The following LRRC74B variants were observed in gnomAD, a reference collection of about 807,000 sequenced individuals.
LRRC74B encodes the protein leucine-rich repeat-containing protein 74B.
Under a neutral mutation model 16.6 loss-of-function variants are expected in LRRC74B, and 30 were observed. The observed-to-expected ratio is 1.80, with a 90% CI of 1.35 to 2.45. LRRC74B has a LOEUF of 2.45. Ranked by LOEUF, LRRC74B falls within the 30% of genes most tolerant of loss-of-function variation. The pLI, the probability that LRRC74B is intolerant of heterozygous loss-of-function variation, is 0.00. For synonymous variants in LRRC74B, 134 were observed against 86.0 expected (o/e 1.56, Z -3.09); for missense variants, 326 against 202.4 (o/e 1.61, Z -3.71).
intron 3 of LRRC74B, 92 bp downstream of exon 3, chr22:21,048,108 G>A (rs778717569): frequency 2.9e-6 from 2 of 699,196 alleles, no homozygotes; most frequent in Middle Eastern, 4.7e-4. Flanking sequence ...GTGTCACCTG[G>A]GGCCTGCTGG....
At chr22:21,047,889 C>T (rs1482141453) in exon 3 of LRRC74B, 1 of 717,186 alleles carries the variant, frequency 1.4e-6, no homozygotes, top group Non-Finnish European at 2.6e-6. Context: ...CCCAGGGCGC[C>T]CGGGCTCTGG....
chr22:21,046,389 A>T (rs1321213587), intron 1 of LRRC74B, among the ~76,000 whole-genome samples: 1 of 138,620 alleles, frequency 7.2e-6, no homozygotes, highest in African/African-American at 2.6e-5. Flanking sequence ...AAGCTAATGG[A>T]TGTATGGAAT....
In LRRC74B at chr22:21,052,321, G is replaced by A. The variant is rs544521349; in HGVS notation, c.695G>A (p.Arg232Gln). The A allele has an allele frequency of 7.8e-4, 562 of 717,500 alleles. 1 individual carries two copies. Among genetic ancestry groups the A allele is most frequent in the Non-Finnish European group, 1.2e-3 (481 of 385,106 alleles). 44.4% of individuals were successfully genotyped at this position (717,500 alleles called of 1,614,324 possible). ...CTTAACGTGAGCTGGAATCACCTCCGGGGCCCAGGAGCTGTGGCATTTGCC... is the reference window on the plus strand; with the variant it reads ...CTTAACGTGAGCTGGAATCACCTCCAGGGCCCAGGAGCTGTGGCATTTGCC... The change falls in exon 5 of 9, where the codon CGG (arginine) becomes CAG (glutamine). Residue 232 changes from arginine to glutamine, a missense_variant. Transcript: ENST00000442047.
chr22:21,047,849 G>T, intron 2 of LRRC74B, 35 bp from the exon 3 acceptor site: 1 of 715,742 alleles, frequency 1.4e-6, no homozygotes, highest in Non-Finnish European at 2.6e-6. Flanking sequence ...CATGAGCCAG[G>T]ATAGTGGCCA....
exon 8 of LRRC74B, chr22:21,057,117 C>G: frequency 1.4e-6 from 1 of 717,448 alleles, no homozygotes. Context: ...GTCCAGGAAT[C>G]CCATGCGAAG....
intron 4 of LRRC74B, among the ~76,000 whole-genome samples, chr22:21,050,777 CAAA>C (rs71188205): frequency 1.9e-5 from 2 of 104,162 alleles, no homozygotes; most frequent in African/African-American, 4.5e-5. Context: ...GACTCTGTCT[CAAA>C]AAAAAAAAAA....
At chr22:21,051,008 T>C (rs2148145723) in intron 4 of LRRC74B, among the ~76,000 whole-genome samples, 1 of 133,846 alleles carries the variant, frequency 7.5e-6, no homozygotes, top group East Asian at 2.2e-4. Flanking sequence ...AAAAAAAAAT[T>C]AGCCCCAAGT....
At position 21,047,515 on chromosome 22, in the gene LRRC74B, A is replaced by C. The variant is rs574663258; in HGVS notation, c.282+17A>C. On this transcript the variant is annotated intron_variant, in intron 2 of 8. Transcript: ENST00000442047. Reference sequence around the variant, plus strand: ...GGGCCCCAGGTACCACTGGAGGGACACTGTATCCAGGCTTACGGGGAGAGG... The same window carrying C: ...GGGCCCCAGGTACCACTGGAGGGACCCTGTATCCAGGCTTACGGGGAGAGG... 113 of 717,054 alleles carry C rather than the reference A, an allele frequency of 1.6e-4. No individual in the cohort carries two copies. In the African/African-American group the frequency reaches 1.7e-3, roughly 11 times the overall value. 44.4% of individuals were successfully genotyped at this position (717,054 alleles called of 1,614,324 possible).
At chr22:21,052,282 C>G (rs536830984) in exon 5 of LRRC74B, 1 of 717,562 alleles carries the variant, frequency 1.4e-6, no homozygotes, top group African/African-American at 1.7e-5. Flanking sequence ...GCAGAAAACA[C>G]AGGACTCACC....
rs73164871 is a variant in LRRC74B at position 21,048,937 on chromosome 22, G to C, written c.416-14G>C. On this transcript the variant is annotated splice_polypyrimidine_tract_variant and intron_variant, in intron 3 of 8. Coordinates refer to ENST00000442047, the Ensembl canonical transcript of LRRC74B. The stretch of plus-strand genomic sequence containing the variant: ...TTTGCATCCCACTGGCCGAGGAGTG[G>C]TTCTGTCCCCCAGATGTGGACCTGT... 0.063 allele frequency: 45,296 copies of C among 715,556 alleles called. 1,791 individuals are homozygous for C. The highest frequency in any genetic ancestry group is 0.08 in the Non-Finnish European group (30,885 of 384,602). 44.3% of individuals were successfully genotyped at this position (715,556 alleles called of 1,614,324 possible).
chr22:21,060,041 C>CT (rs1930732667), intron 8 of LRRC74B, among the ~76,000 whole-genome samples: 1 of 151,940 alleles, frequency 6.6e-6, no homozygotes, highest in Admixed American at 6.6e-5. Flanking sequence ...TGGTGGGCAC[C>CT]TGTAGTCCCT....
chr22:21,047,084 G>C (rs2148131093), intron 1 of LRRC74B, among the ~76,000 whole-genome samples: 1 of 150,582 alleles, frequency 6.6e-6, no homozygotes, highest in Non-Finnish European at 1.5e-5. Context: ...CAGAGCAAGA[G>C]TCTGTCTCGA....
At chr22:21,047,852 A>G (rs2148133607) in intron 2 of LRRC74B, 32 bp from the exon 3 acceptor site, 3 of 715,918 alleles carry the variant, frequency 4.2e-6, no homozygotes, top group Non-Finnish European at 7.8e-6. Flanking sequence ...GAGCCAGGAT[A>G]GTGGCCAGTG....
Position 21,052,370 on chromosome 22 carries a change from C to T in LRRC74B, c.732+12C>T, listed in dbSNP as rs1316217463. 1.4e-6 allele frequency: 1 copy of T among 717,302 alleles called. No individual in the cohort carries two copies. Among genetic ancestry groups the T allele is most frequent in the East Asian group, 2.7e-5 (1 of 37,274 alleles). The allele number at this position is 717,302 out of a possible 1,614,324, so 44.4% of individuals were successfully genotyped here. A position where few individuals can be genotyped will look rare whatever the true frequency, so the allele number is the denominator to read the frequency against. On this transcript the variant is annotated intron_variant, in intron 5 of 8. Coordinates refer to ENST00000442047, the Ensembl canonical transcript of LRRC74B. ...CCAGGGGACTGGAGGTATGAAGCCCCCACCTAGTCGGCCCTACAGCCTGTC... is the reference window on the plus strand; with the variant it reads ...CCAGGGGACTGGAGGTATGAAGCCCTCACCTAGTCGGCCCTACAGCCTGTC...
intron 2 of LRRC74B, 138 bp from the exon 3 acceptor site, chr22:21,047,746 C>A: frequency 1.6e-6 from 1 of 631,378 alleles, no homozygotes; most frequent in Non-Finnish European, 2.9e-6. Flanking sequence ...GAGACCTTCA[C>A]AGAGCCTAAA....
chr22:21,059,185 C>T (rs1245878563), intron 8 of LRRC74B, among the ~76,000 whole-genome samples: 1 of 152,172 alleles, frequency 6.6e-6, no homozygotes, highest in Non-Finnish European at 1.5e-5. Flanking sequence ...GTCAGGAGTT[C>T]GAGATCAGTC....
Position 21,052,236 on chromosome 22 carries a change from G to T in LRRC74B, c.623-13G>T. The T allele has an allele frequency of 1.4e-6, 1 of 717,422 alleles. No individual in the cohort carries two copies. The allele number at this position is 717,422 out of a possible 1,614,324, so 44.4% of individuals were successfully genotyped here. A position where few individuals can be genotyped will look rare whatever the true frequency, so the allele number is the denominator to read the frequency against. On this transcript the variant is annotated splice_polypyrimidine_tract_variant and intron_variant, in intron 4 of 8. Transcript: ENST00000442047. Reference sequence around the variant, plus strand: ...GAGAGTGAGTCAGAAGGTCTCTCTTGGTGTTTCTGAAGGGGAGACACTTGG... The same window carrying T: ...GAGAGTGAGTCAGAAGGTCTCTCTTTGTGTTTCTGAAGGGGAGACACTTGG...
intron 4 of LRRC74B, 125 bp from the exon 5 acceptor site, chr22:21,052,124 C>A (rs1006266232): frequency 1.7e-5 from 11 of 662,150 alleles, no homozygotes; most frequent in Admixed American, 6.6e-5. Context: ...GCACCGCAGG[C>A]CCACATTAGT....
intron 8 of LRRC74B, 80 bp downstream of exon 8, chr22:21,057,280 G>A (rs1930591035): frequency 2.9e-6 from 2 of 682,136 alleles, no homozygotes; most frequent in East Asian, 2.7e-5. Flanking sequence ...AAGAAAGTGA[G>A]GGTTACAGAA....
Sources: gnomAD v4.1 joint callset for allele counts (sites outside exome capture counted in the v4.1 genomes callset) on GRCh38, gnomAD v4.1.1 for gene constraint, MANE v1.5 for transcripts, NCBI Gene and HGNC (gene_info 2026-07-23, HGNC 2026-07-21) for gene names.